The following LAMC3 variants were observed in gnomAD, a reference collection of about 807,000 sequenced individuals.
LAMC3 encodes the protein laminin subunit gamma 3, also known as laminin subunit gamma-3.
Under a neutral mutation model 173.8 loss-of-function variants are expected in LAMC3, and 128 were observed. That is an observed-to-expected ratio of 0.74 (90% CI 0.64 to 0.85). LAMC3 has a LOEUF of 0.85. Among genes scored for constraint, LAMC3 ranks in the 40% least tolerant of loss-of-function variants. LAMC3 has a pLI of 0.00. For synonymous variants in LAMC3, 897 were observed against 909.1 expected (o/e 0.99, Z 0.24); for missense variants, 2,022 against 2,156.0 (o/e 0.94, Z 1.23).
chr9:131,038,353 A>C (rs55721418), intron 4 of LAMC3, among the ~76,000 whole-genome samples: 13,487 of 152,026 alleles, frequency 0.089, 954 homozygotes, highest in African/African-American at 0.18. Context: ...TCATGGATCC[A>C]CCCCTGAGCT....
intron 1 of LAMC3, among the ~76,000 whole-genome samples, chr9:131,017,113 G>A (rs567289281): frequency 3.4e-4 from 52 of 152,270 alleles, no homozygotes; most frequent in Admixed American, 6.5e-4. Flanking sequence ...CAGAGGCTTC[G>A]GGCCTTGGAA....
At chr9:131,069,527 A>C (rs1163840708) in intron 16 of LAMC3, 145 bp from the exon 17 acceptor site, 1 of 772,120 alleles carries the variant, frequency 1.3e-6, no homozygotes, top group Non-Finnish European at 2.2e-6. Flanking sequence ...TCTCCAGGGA[A>C]GGGCCCAGGA....
chr9:131,027,873 C>T (rs917432201), intron 2 of LAMC3, among the ~76,000 whole-genome samples: 1 of 152,238 alleles, frequency 6.6e-6, no homozygotes, highest in Non-Finnish European at 1.5e-5. Context: ...TCCAGTTCAG[C>T]CCACGTAGGT....
chr9:131,035,685 T>C (rs962023450), intron 3 of LAMC3, among the ~76,000 whole-genome samples: 2 of 152,148 alleles, frequency 1.3e-5, no homozygotes, highest in African/African-American at 4.8e-5. Flanking sequence ...CTGTTTGGGG[T>C]ACCTTCTTTC....
intron 8 of LAMC3, among the ~76,000 whole-genome samples, chr9:131,048,332 C>T (rs760817497): frequency 5.3e-5 from 8 of 152,182 alleles, no homozygotes; most frequent in Non-Finnish European, 1.2e-4. Flanking sequence ...GCTGGGATTA[C>T]AGGCATGAGC....
intron 21 of LAMC3, 59 bp from the exon 22 acceptor site, chr9:131,077,128 A>G: frequency 6.2e-7 from 1 of 1,607,128 alleles, no homozygotes; most frequent in Non-Finnish European, 8.5e-7. Context: ...CCTGGGGCCC[A>G]GACAGGGATG....
chr9:131,068,610 A>G (rs1156618153), intron 15 of LAMC3, among the ~76,000 whole-genome samples: 1 of 152,158 alleles, frequency 6.6e-6, no homozygotes, highest in African/African-American at 2.4e-5. Context: ...TCTTCCTTGC[A>G]GGACTTCTCA....
Position 131,026,190 on chromosome 9 carries a change from G to T in LAMC3, c.374-95G>T. On this transcript the variant is annotated intron_variant, in intron 1 of 27. Transcript: ENST00000361069. The surrounding 1 kb of genome is among the most constrained non-coding windows in gnomAD (Gnocchi z 4.8). ...AGACAGCTTCCAGCGATCCATCCAC[G>T]CTAGTGCCTGCAATGCAGCCGTCTG... 6.4e-7 allele frequency: 1 copy of T among 1,571,462 alleles called. No homozygotes were observed. Among genetic ancestry groups the T allele is most frequent in the Non-Finnish European group, 8.6e-7 (1 of 1,159,506 alleles).
intron 1 of LAMC3, among the ~76,000 whole-genome samples, chr9:131,019,678 G>C (rs1334951867): frequency 2.6e-5 from 4 of 152,196 alleles, no homozygotes; most frequent in Non-Finnish European, 5.9e-5. Context: ...GGGAGCAGAA[G>C]GACTTCCTCA....
Position 131,072,463 on chromosome 9 carries a change from G to A in LAMC3, c.3212-167G>A, listed in dbSNP as rs11244272. On this transcript the variant is annotated intron_variant, in intron 18 of 27. Transcript: ENST00000361069. The stretch of plus-strand genomic sequence containing the variant: ...GTCATGTTTGCCTTCTCTGGGCCTC[G>A]GCCTGCACCTGGAAAATGGGGGTAC... Among the ~76,000 whole-genome samples the A allele has an allele frequency of 0.011, 1,685 of 152,172 alleles. 27 individuals carry two copies. The highest frequency in any genetic ancestry group is 0.016 in the South Asian group (77 of 4,820).
At chr9:131,022,570 A>G (rs1234844275) in intron 1 of LAMC3, among the ~76,000 whole-genome samples, 1 of 151,752 alleles carries the variant, frequency 6.6e-6, no homozygotes, top group African/African-American at 2.4e-5. Flanking sequence ...TTATTTATTT[A>G]TTTATTTTGA....
At chr9:131,037,883 C>T (rs1265415585) in intron 4 of LAMC3, among the ~76,000 whole-genome samples, 1 of 152,224 alleles carries the variant, frequency 6.6e-6, no homozygotes, top group Non-Finnish European at 1.5e-5. Flanking sequence ...CGTCCACTGA[C>T]CACGGCAGCC....
chr9:131,013,118 C>T (rs1053930182), intron 1 of LAMC3, among the ~76,000 whole-genome samples: 11 of 152,220 alleles, frequency 7.2e-5, no homozygotes, highest in Non-Finnish European at 1.5e-4. Flanking sequence ...CATCCCAAAC[C>T]GGCATGCTTT....
chr9:131,073,978 G>T (rs1397143227), intron 20 of LAMC3, among the ~76,000 whole-genome samples: 7 of 119,306 alleles, frequency 5.9e-5, no homozygotes, highest in Non-Finnish European at 9.6e-5. Context: ...ACGGAGTCTC[G>T]CTCTGTCCCC....
intron 22 of LAMC3, among the ~76,000 whole-genome samples, chr9:131,078,267 G>A (rs1830170983): frequency 6.6e-6 from 1 of 152,040 alleles, no homozygotes; most frequent in African/African-American, 2.4e-5. Flanking sequence ...TGAGGCGGGC[G>A]GATCACGAGA....
At chr9:131,041,593 A>G in intron 6 of LAMC3, 44 bp from the exon 7 acceptor site, 1 of 1,564,288 alleles carries the variant, frequency 6.4e-7, no homozygotes. Context: ...GCCATTCTGA[A>G]TTTGCTCATT....
chr9:131,020,316 T>C (rs1825064534), intron 1 of LAMC3, among the ~76,000 whole-genome samples: 1 of 152,154 alleles, frequency 6.6e-6, no homozygotes, highest in Admixed American at 6.5e-5. Context: ...CTCTTGGCAC[T>C]TCTGGGTGTG....
Position 131,052,862 on chromosome 9 carries a change from C to T in LAMC3, c.1836C>T (p.Thr612=). 1 of 1,613,244 alleles carries T rather than the reference C, an allele frequency of 6.2e-7. No individual in the cohort carries two copies. Among genetic ancestry groups the T allele is most frequent in the East Asian group, 2.2e-5 (1 of 44,870 alleles). Residue 612 remains threonine (T), a synonymous_variant, in exon 11 of 28, where the codon ACC becomes ACT. Coordinates refer to ENST00000361069, the MANE Select transcript of LAMC3 (RefSeq NM_006059.4). ...CTTCTCTCGCCAGCCTGCAGGAGAC[C>T]TCCGAGGACGTGGCCCCTCCACTGC... ...EVELRFHLQE[T]SEDVAPPLPP...
intron 1 of LAMC3, among the ~76,000 whole-genome samples, chr9:131,018,471 T>G (rs577448232): frequency 3.3e-5 from 5 of 152,182 alleles, no homozygotes; most frequent in African/African-American, 1.2e-4. Flanking sequence ...AATTAAAATC[T>G]GCAGCCCTAG....
Sources: allele counts gnomAD v4.1 joint callset (sites outside exome capture counted in the v4.1 genomes callset), GRCh38; gene constraint gnomAD v4.1.1; non-coding constraint Gnocchi (gnomAD v3.1); transcripts MANE v1.5; gene names NCBI Gene and HGNC (gene_info 2026-07-23, HGNC 2026-07-21).